The following ZNF529 variants were observed in gnomAD, a reference collection of about 807,000 sequenced individuals.
ZNF529 encodes zinc finger protein 529.
In ZNF529, 11 loss-of-function variants were observed where a neutral mutation model predicts 10.1. The observed-to-expected ratio is 1.09, with a 90% CI of 0.69 to 1.81. The LOEUF (loss-of-function observed/expected upper bound fraction) is 1.81. ZNF529 is among the 40% of genes most tolerant of loss of function. The pLI is 0.00. For missense variants in ZNF529, 624 were observed against 666.8 expected (o/e 0.94, Z 0.71); for synonymous variants, 204 against 215.7 (o/e 0.95, Z 0.47).
At position 36,592,594 on chromosome 19, in the gene ZNF529, C is replaced by CA. The variant is rs766221825; in HGVS notation, c.-127-2894dup. 1.8e-3 allele frequency among the ~76,000 whole-genome samples: 156 copies of CA among 86,258 alleles called. No individual in the cohort carries two copies. The Middle Eastern group carries it at 0.036, about 20-fold the overall frequency. 56.6% of individuals were successfully genotyped at this position (86,258 alleles called of 152,430 possible). A position where few individuals can be genotyped will look rare whatever the true frequency, so the allele number is the denominator to read the frequency against. On this transcript the variant is annotated intron_variant, in intron 1 of 4. Coordinates refer to the ZNF529 transcript ENST00000585960. Reference sequence around the variant, plus strand: ...GGGCAACAAAGCAAGACTCTGTCTCCAAAAAAAAAAAAAGAAAGAAAGAAA... The same window carrying CA: ...GGGCAACAAAGCAAGACTCTGTCTCCAAAAAAAAAAAAAAGAAAGAAAGAAA...
At chr19:36,558,161 T>A (rs1338270651) in intron 2 of ZNF529, among the ~76,000 whole-genome samples, 1 of 151,608 alleles carries the variant, frequency 6.6e-6, no homozygotes, top group African/African-American at 2.4e-5. Context: ...CAAGACAAAT[T>A]AACATCTCAG....
chr19:36,574,951 T>G (rs2036278748), upstream of ZNF529: 3 of 468,880 alleles, frequency 6.4e-6, no homozygotes, highest in Non-Finnish European at 8.8e-6. Context: ...TTAGAATGAT[T>G]AGTTGTGATT....
Position 36,547,270 on chromosome 19 carries a change from C to T in ZNF529, c.1288G>A (p.Ala430Thr), listed in dbSNP as rs377579218. Residue 430 changes from alanine to threonine, a missense_variant, in exon 5 of 5, where the codon GCA becomes ACA. Coordinates refer to ENST00000591340, the MANE Select transcript of ZNF529 (RefSeq NM_020951.5). Reference protein sequence around the residue: ...KPYKCKECEKAFGVGSELTRH... With the variant: ...KPYKCKECEKTFGVGSELTRH... ...GTAAGTTCACTACCTACTCCAAATG[C>T]TTTCTCACATTCTTTACATTTATAG... is the stretch of plus-strand genomic sequence containing the variant. 9.4e-5 allele frequency: 151 copies of T among 1,613,696 alleles called. No homozygotes were observed. The African/African-American group carries it at 1.8e-3, about 19-fold the overall frequency.
At chr19:36,552,828 G>T (rs2035315097) in intron 4 of ZNF529, among the ~76,000 whole-genome samples, 1 of 152,140 alleles carries the variant, frequency 6.6e-6, no homozygotes, top group African/African-American at 2.4e-5. Context: ...AAATGTGAGG[G>T]AACTGGAAAA....
At chr19:36,568,104 C>T (rs1421243551) in intron 2 of ZNF529, among the ~76,000 whole-genome samples, 1 of 152,116 alleles carries the variant, frequency 6.6e-6, no homozygotes, top group Non-Finnish European at 1.5e-5. Flanking sequence ...AATAACAGAA[C>T]CATGAGAATA....
intron 4 of ZNF529, among the ~76,000 whole-genome samples, 184 bp from the exon 5 acceptor site, chr19:36,548,506 G>C (rs1361786048): frequency 6.6e-6 from 1 of 152,220 alleles, no homozygotes; most frequent in Non-Finnish European, 1.5e-5. Context: ...AAAGGTAACA[G>C]ATTAAGTCAG....
At position 36,547,331 on chromosome 19, in the gene ZNF529, C is replaced by A. The variant is rs757959895; in HGVS notation, c.1227G>T (p.Leu409=). 40 of 1,613,592 alleles carry A rather than the reference C, an allele frequency of 2.5e-5. No individual in the cohort carries two copies. The highest frequency in any genetic ancestry group is 3.3e-5 in the Non-Finnish European group (39 of 1,179,878). ...CAGTATGAATCCTCTGATGTCTAGT[C>A]AGGGATGAACTATTTCTAAAGACCT... ...CGKVFRNSSS[L]TRHQRIHTGE... is the part of the protein sequence containing the mutation. The change falls in exon 5 of 5, where the codon CTG becomes CTT. Residue 409 remains leucine (L), a synonymous_variant. Transcript: ENST00000591340.
At position 36,554,722 on chromosome 19, in the gene ZNF529, C is replaced by T. The variant is rs768372603; in HGVS notation, c.183G>A (p.Arg61=). 2 of 1,577,250 alleles carry T rather than the reference C, an allele frequency of 1.3e-6. No individual in the cohort carries two copies. Among genetic ancestry groups the T allele is most frequent in the South Asian group, 2.3e-5 (2 of 85,962 alleles). The change falls in exon 4 of 5, where the codon AGG becomes AGA. Residue 61 remains arginine, a synonymous_variant. Coordinates refer to ENST00000591340, the MANE Select transcript of ZNF529 (RefSeq NM_020951.5). The part of the protein sequence containing the change: ...EEWEYLDSAQ[R]NLYWDVMMEN... ...CCATCATCACATCCCAGTACAAGTT[C>T]CTCTGAGCAGAATCCAGATATTCCC...
rs191361025 is a variant in ZNF529, at chr19:36,549,345, T to A, written c.236-1023A>T. Among the ~76,000 whole-genome samples, 12 of 152,298 alleles carry A rather than the reference T, an allele frequency of 7.9e-5. No homozygotes were observed. The East Asian group carries it at 2.1e-3, about 27-fold the overall frequency. ...AATGTAATAAATTTTCATGTGCCAA[T>A]GTATAACAAGACCTAAGGACATAGT... is the stretch of plus-strand genomic sequence containing the variant. On this transcript the variant is annotated intron_variant, in intron 4 of 4. Coordinates refer to ENST00000591340, the MANE Select transcript of ZNF529 (RefSeq NM_020951.5).
At chr19:36,596,595 G>A (rs1034120099) in intron 1 of ZNF529, among the ~76,000 whole-genome samples, 10 of 151,620 alleles carry the variant, frequency 6.6e-5, no homozygotes, top group Admixed American at 2.0e-4. Flanking sequence ...TCAGCTCACC[G>A]CAGCCTCTGC....
Position 36,554,751 on chromosome 19 carries a change from C to A in ZNF529, c.154G>T (p.Glu52Ter). 2 of 1,577,558 alleles carry A rather than the reference C, an allele frequency of 1.3e-6. No individual in the cohort carries two copies. Among genetic ancestry groups the A allele is most frequent in the Non-Finnish European group, 1.7e-6 (2 of 1,160,878 alleles). ...TGAGCAGAATCCAGATATTCCCATT[C>A]CTCCTGAGAGAAGTTGATGACCACA... ...RDVVINFSQE[E>*]WEYLDSAQRN... Residue 52 changes from glutamate to a stop codon, truncating the protein, a stop_gained, in exon 4 of 5, where the codon GAA (glutamate) becomes TAA (stop). Transcript: ENST00000591340. LOFTEE classifies it high-confidence loss of function.
rs1271868410 is a variant in ZNF529 at position 36,555,543 on chromosome 19, G to A, written c.108+561C>T. On this transcript the variant is annotated intron_variant, in intron 3 of 4. Coordinates refer to ENST00000591340, the MANE Select transcript of ZNF529 (RefSeq NM_020951.5). ...GATCTCCTGACCTCATGATCCACCC[G>A]CCTCGGCCTCCCAAAGTGCTGGGAT... 1.2e-4 allele frequency among the ~76,000 whole-genome samples: 3 copies of A among 25,750 alleles called. 1 individual carries two copies. Among genetic ancestry groups the A allele is most frequent in the African/African-American group, 1.1e-3 (3 of 2,798 alleles). 16.9% of individuals were successfully genotyped at this position (25,750 alleles called of 152,430 possible).
intron 2 of ZNF529, among the ~76,000 whole-genome samples, chr19:36,586,585 A>G (rs1387782735): frequency 1.3e-5 from 2 of 152,088 alleles, no homozygotes; most frequent in Non-Finnish European, 2.9e-5. Flanking sequence ...AGCCTGGGCA[A>G]CAGAGCGAAA....
In ZNF529 at chr19:36,562,217, G is replaced by GAAA. The variant is rs954408151; in HGVS notation, c.15-6023_15-6021dup. On this transcript the variant is annotated intron_variant, in intron 2 of 4. Transcript: ENST00000591340. ...CGCACCATTGCACTGCAGCCCAGGG[G>GAAA]AAAAAAAAAAAGAAATGTCTGCCTT... 2.2e-4 allele frequency among the ~76,000 whole-genome samples: 32 copies of GAAA among 147,774 alleles called. No homozygotes were observed. The East Asian group carries it at 4.2e-3, about 19-fold the overall frequency.
rs1213045634 is a variant in ZNF529, at chr19:36,555,376, C to A, written c.109-580G>T. Among the ~76,000 whole-genome samples the A allele has an allele frequency of 1.4e-4, 4 of 29,532 alleles. 1 individual carries two copies. The highest frequency in any genetic ancestry group is 2.6e-4 in the Non-Finnish European group (4 of 15,236). The allele number at this position is 29,532 out of a possible 152,430, so 19.4% of individuals were successfully genotyped here. A position where few individuals can be genotyped will look rare whatever the true frequency, so the allele number is the denominator to read the frequency against. On this transcript the variant is annotated intron_variant, in intron 3 of 4. Transcript: ENST00000591340. ...TGGCGCAATCTCGGCTCACTGCAAG[C>A]TCCGCTTCCCGGGTTCACGCCATTC...
At chr19:36,550,825 A>G (rs1384817613) in intron 4 of ZNF529, among the ~76,000 whole-genome samples, 2 of 152,244 alleles carry the variant, frequency 1.3e-5, no homozygotes, top group African/African-American at 4.8e-5. Context: ...TAAGACTCCT[A>G]TGCTAATAAA....
In ZNF529 at chr19:36,547,661, T is replaced by C. The variant is rs776973105; in HGVS notation, c.897A>G (p.Arg299=). Reference sequence around the variant, plus strand: ...TCTCATCAGTATGGATTTTCTGATGTCGAGTAAGTTGTGCATGCACTCTAA... The same window carrying C: ...TCTCATCAGTATGGATTTTCTGATGCCGAGTAAGTTGTGCATGCACTCTAA... ...KSFRVHAQLT[R]HQKIHTDEKT... is the part of the protein sequence containing the mutation. The change falls in exon 5 of 5, where the codon CGA becomes CGG. Residue 299 remains arginine (R), a synonymous_variant. Transcript: ENST00000591340. The C allele has an allele frequency of 6.2e-7, 1 of 1,613,882 alleles. No homozygotes were observed. Among genetic ancestry groups the C allele is most frequent in the South Asian group, 1.1e-5 (1 of 91,078 alleles).
At chr19:36,599,036 T>G (rs1024413716) in intron 1 of ZNF529, among the ~76,000 whole-genome samples, 23 of 152,330 alleles carry the variant, frequency 1.5e-4, no homozygotes, top group Middle Eastern at 3.4e-3. Flanking sequence ...GCTCAGAGAA[T>G]CTGACCCAAA....
chr19:36,566,169 AAAC>A (rs951231929), intron 2 of ZNF529, among the ~76,000 whole-genome samples: 10 of 152,174 alleles, frequency 6.6e-5, no homozygotes, highest in African/African-American at 2.4e-4. Context: ...ACTAGTGGGA[AAAC>A]AACAACAACA....
Sources: gnomAD v4.1 joint callset for allele counts (sites outside exome capture counted in the v4.1 genomes callset) on GRCh38, gnomAD v4.1.1 for gene constraint, MANE v1.5 for transcripts, NCBI Gene and HGNC (gene_info 2026-07-23, HGNC 2026-07-21) for gene names.